Variants in PCDH15 observed in about 807,000 individuals in gnomAD.
PCDH15 encodes protocadherin related 15.
Under a neutral mutation model 178.5 loss-of-function variants are expected in PCDH15, and 129 were observed. That is an observed-to-expected ratio of 0.72 (90% confidence interval 0.63 to 0.84). The LOEUF (loss-of-function observed/expected upper bound fraction) is 0.84, where lower values mean the gene tolerates loss of function less well. PCDH15 is among the 40% of genes least tolerant of loss of function. The pLI is 0.00. For synonymous variants in PCDH15, 800 were observed against 732.0 expected (o/e 1.09, Z -1.50); for missense variants, 2,230 against 2,099.9 (o/e 1.06, Z -1.21).
At chr10:54,187,298 G>T (rs10825263) in intron 11 of PCDH15, among the ~76,000 whole-genome samples, 66,201 of 151,666 alleles carry the variant, frequency 0.44, 17,543 homozygotes, top group East Asian at 0.94. Flanking sequence ...AAATTTGTTA[G>T]GTATATTCAC....
At chr10:54,554,042 T>A (rs1479598887) in intron 2 of PCDH15, among the ~76,000 whole-genome samples, 2 of 152,166 alleles carry the variant, frequency 1.3e-5, no homozygotes, top group Non-Finnish European at 2.9e-5. Flanking sequence ...CTTGGTGAAA[T>A]TTTTATATTA....
chr10:55,453,191 C>T (rs1839473628), intron 2 of PCDH15, among the ~76,000 whole-genome samples: 1 of 152,126 alleles, frequency 6.6e-6, no homozygotes, highest in African/African-American at 2.4e-5. Context: ...TCTGCTTTTC[C>T]AGTCTCTGCA....
chr10:55,539,652 A>G (rs1841711725), intron 2 of PCDH15, among the ~76,000 whole-genome samples: 2 of 152,052 alleles, frequency 1.3e-5, no homozygotes, highest in Admixed American at 1.3e-4. Flanking sequence ...CTCATTTCCA[A>G]CTGTCACTTT....
chr10:54,268,613 A>C (rs1393475678), intron 8 of PCDH15, among the ~76,000 whole-genome samples: 1 of 151,938 alleles, frequency 6.6e-6, no homozygotes, highest in Non-Finnish European at 1.5e-5. Flanking sequence ...CTTTGCAGTA[A>C]CATGGATGTG....
At chr10:54,929,007 C>T (rs1670811) in intron 2 of PCDH15, among the ~76,000 whole-genome samples, 3,338 of 152,296 alleles carry the variant, frequency 0.022, 123 homozygotes, top group African/African-American at 0.074. Context: ...TGTACTCTAG[C>T]TTTTTGAGTT....
intron 2 of PCDH15, among the ~76,000 whole-genome samples, chr10:55,157,191 G>A (rs1231934354): frequency 6.6e-6 from 1 of 151,984 alleles, no homozygotes; most frequent in Non-Finnish European, 1.5e-5. Flanking sequence ...GCATCCAACA[G>A]ACACATGAAA....
chr10:54,320,626 A>G (rs2061540537), intron 7 of PCDH15, among the ~76,000 whole-genome samples: 2 of 152,024 alleles, frequency 1.3e-5, no homozygotes, highest in Non-Finnish European at 2.9e-5. Flanking sequence ...CTTTTTTAAT[A>G]CTGATCTTTT....
At chr10:54,361,664 C>A (rs1308920150) in intron 5 of PCDH15, among the ~76,000 whole-genome samples, 1 of 151,948 alleles carries the variant, frequency 6.6e-6, no homozygotes, top group African/African-American at 2.4e-5. Flanking sequence ...ATAGATTATT[C>A]CCTTTTCTCA....
intron 2 of PCDH15, among the ~76,000 whole-genome samples, chr10:54,573,062 C>T (rs979241534): frequency 3.3e-5 from 5 of 151,982 alleles, no homozygotes; most frequent in Non-Finnish European, 5.9e-5. Context: ...TTTACTTTTT[C>T]CTCATACTGT....
At position 54,731,281 on chromosome 10, in the gene PCDH15, C is replaced by T. The variant is rs188957396; in HGVS notation, c.-28-66991G>A. 4.0e-5 allele frequency among the ~76,000 whole-genome samples: 6 copies of T among 150,530 alleles called. No individual in the cohort carries two copies. The East Asian group carries it at 7.8e-4, about 20-fold the overall frequency. On this transcript the variant is annotated intron_variant, in intron 1 of 37. Coordinates refer to ENST00000644397, the MANE Select transcript of PCDH15 (RefSeq NM_001384140.1). Reference sequence around the variant, plus strand: ...AAGGAATAACAGATGCTGGCAAAGACGTGAAGAAAGGAGAACTTTGTACAC... The same window carrying T: ...AAGGAATAACAGATGCTGGCAAAGATGTGAAGAAAGGAGAACTTTGTACAC...
intron 2 of PCDH15, among the ~76,000 whole-genome samples, chr10:54,905,100 C>G (rs1365684863): frequency 1.3e-5 from 2 of 151,882 alleles, no homozygotes; most frequent in African/African-American, 4.8e-5. Context: ...AGGTCCCACA[C>G]CTAATAAATA....
chr10:55,346,168 T>C lies in PCDH15; in HGVS notation c.-155-179517A>G, dbSNP rs561747181. Among the ~76,000 whole-genome samples the C allele has an allele frequency of 9.2e-5, 14 of 152,238 alleles. No homozygotes were observed. In the South Asian group the frequency reaches 2.3e-3, roughly 25 times the overall value. On this transcript the variant is annotated intron_variant, in intron 2 of 5. Transcript: ENST00000613346. ...CACACAAATAAAACATATAAATACT[T>C]ATATGGAAGAGGTAACAAATAGTCT...
At chr10:54,323,258 G>C (rs1441067454) in intron 7 of PCDH15, among the ~76,000 whole-genome samples, 1 of 152,126 alleles carries the variant, frequency 6.6e-6, no homozygotes, top group Non-Finnish European at 1.5e-5. Context: ...GTTATATGCT[G>C]TTGGTGGGTA....
At chr10:55,108,755 C>CTA (rs1837422109) in intron 2 of PCDH15, among the ~76,000 whole-genome samples, 1 of 151,722 alleles carries the variant, frequency 6.6e-6, no homozygotes, top group African/African-American at 2.4e-5. Context: ...CATGGCTAGT[C>CTA]TATAGTTTCA....
intron 1 of PCDH15, among the ~76,000 whole-genome samples, chr10:55,219,776 T>C (rs544609157): frequency 7.2e-5 from 11 of 151,794 alleles, no homozygotes; most frequent in African/African-American, 1.9e-4. Flanking sequence ...AATTGTTTAA[T>C]GAGTACATAG....
chr10:53,856,709 T>C (rs2133032033), intron 28 of PCDH15, among the ~76,000 whole-genome samples: 1 of 152,254 alleles, frequency 6.6e-6, no homozygotes, highest in South Asian at 2.1e-4. Flanking sequence ...TATCCTTATT[T>C]GAAGACACTC....
At chr10:55,538,038 C>T (rs981045543) in intron 2 of PCDH15, among the ~76,000 whole-genome samples, 9 of 152,128 alleles carry the variant, frequency 5.9e-5, no homozygotes, top group African/African-American at 2.2e-4. Context: ...GAACTCATTA[C>T]ATAGAATGAT....
At chr10:54,544,536 G>A (rs1477403337) in intron 2 of PCDH15, among the ~76,000 whole-genome samples, 1 of 152,126 alleles carries the variant, frequency 6.6e-6, no homozygotes, top group Non-Finnish European at 1.5e-5. Context: ...AATATCTGCT[G>A]CTATTTATGA....
intron 2 of PCDH15, among the ~76,000 whole-genome samples, chr10:55,597,532 C>G (rs886167962): frequency 6.6e-6 from 1 of 152,148 alleles, no homozygotes; most frequent in Non-Finnish European, 1.5e-5. Context: ...TATTCTCCAA[C>G]CAAATAAAAT....
Sources: gnomAD v4.1 joint callset for allele counts (sites outside exome capture counted in the v4.1 genomes callset) on GRCh38, gnomAD v4.1.1 for gene constraint, MANE v1.5 for transcripts, NCBI Gene and HGNC (gene_info 2026-07-23, HGNC 2026-07-21) for gene names.